The following TLL1 variants were observed in gnomAD, a reference collection of about 807,000 sequenced individuals.
TLL1 encodes tolloid like 1.
A neutral mutation model predicts 128.2 loss-of-function variants in TLL1; 49 were observed. That is an observed-to-expected ratio of 0.38 (90% CI 0.30 to 0.48). TLL1 has a LOEUF of 0.48. TLL1 is among the 20% of genes least tolerant of loss of function. The pLI is 0.96. For missense variants in TLL1, 1,123 were observed against 1,242.0 expected (o/e 0.90, Z 1.44); for synonymous variants, 454 against 418.8 (o/e 1.08, Z -1.03).
At chr4:165,987,391 G>C (rs1736436048) in intron 1 of TLL1, among the ~76,000 whole-genome samples, 6 of 152,078 alleles carry the variant, frequency 3.9e-5, no homozygotes, top group Admixed American at 3.9e-4. Flanking sequence ...TGGCTTTAGG[G>C]ATGCTGGAGC....
At chr4:165,981,317 AT>A (rs1183083457) in intron 1 of TLL1, among the ~76,000 whole-genome samples, 1 of 152,034 alleles carries the variant, frequency 6.6e-6, no homozygotes, top group East Asian at 1.9e-4. Flanking sequence ...AAACCTGTGG[AT>A]TTTTTGTTTG....
At chr4:166,065,607 GAT>G (rs750149943) in intron 15 of TLL1, 74 bp from the exon 16 acceptor site, 4 of 1,513,908 alleles carry the variant, frequency 2.6e-6, no homozygotes, top group Non-Finnish European at 2.7e-6. Flanking sequence ...GGAAAAATAA[GAT>G]ATGTTTTTTT....
chr4:165,991,468 A>C (rs577720597), intron 2 of TLL1, among the ~76,000 whole-genome samples: 2 of 152,128 alleles, frequency 1.3e-5, no homozygotes, highest in South Asian at 4.1e-4. Flanking sequence ...AATGTATTTA[A>C]GTATTACCTC....
intron 9 of TLL1, among the ~76,000 whole-genome samples, chr4:166,025,821 A>G (rs1322620578): frequency 6.6e-6 from 1 of 152,100 alleles, no homozygotes; most frequent in Admixed American, 6.5e-5. Flanking sequence ...ATATCAGAAA[A>G]ATATTGAAGA....
chr4:166,096,771 T>C (rs1410578620), intron 19 of TLL1, among the ~76,000 whole-genome samples: 1 of 152,170 alleles, frequency 6.6e-6, no homozygotes, highest in African/African-American at 2.4e-5. Flanking sequence ...TTTTTAAAAA[T>C]CTGTAAATGA....
chr4:166,059,912 T>G, intron 14 of TLL1, 116 bp from the exon 15 acceptor site: 1 of 1,278,192 alleles, frequency 7.8e-7, no homozygotes, highest in Non-Finnish European at 1.1e-6. Flanking sequence ...GATTTTAAAA[T>G]CCAGAAGATA....
rs375422233 is a variant in TLL1 at position 165,979,643 on chromosome 4, C to T, written c.170-9738C>T. Among the ~76,000 whole-genome samples the T allele has an allele frequency of 2.0e-5, 3 of 151,922 alleles. No homozygotes were observed. In the East Asian group the frequency reaches 5.8e-4, roughly 29 times the overall value. On this transcript the variant is annotated intron_variant, in intron 1 of 20. Coordinates refer to ENST00000061240, the MANE Select transcript of TLL1 (RefSeq NM_012464.5). ...ATAAAGATCTGAAATAAAAAATTTG[C>T]CAGGCATGGTGCTGTGCGCCTGTAC...
In TLL1 at chr4:165,963,054, CAAAA is replaced by C. The variant is rs869191830; in HGVS notation, c.170-26304_170-26301del. 2.7e-3 allele frequency among the ~76,000 whole-genome samples: 49 copies of C among 18,320 alleles called. No individual in the cohort carries two copies. The East Asian group carries it at 0.031, about 12-fold the overall frequency. 12.0% of individuals were successfully genotyped at this position (18,320 alleles called of 152,430 possible). On this transcript the variant is annotated intron_variant, in intron 1 of 20. Coordinates refer to ENST00000061240, the MANE Select transcript of TLL1 (RefSeq NM_012464.5). ...TGGGTGACAGAGCGAGGCTCTGTCT[CAAAA>C]AAAAAAAAAAAAAAAAAAAAAAGTG...
At chr4:165,886,113 A>G (rs1731154550) in intron 1 of TLL1, among the ~76,000 whole-genome samples, 2 of 152,026 alleles carry the variant, frequency 1.3e-5, no homozygotes. Context: ...TGGCTTTTAT[A>G]ATAGTAAGAA....
At chr4:166,086,396 G>A (rs965889877) in intron 18 of TLL1, among the ~76,000 whole-genome samples, 1 of 152,012 alleles carries the variant, frequency 6.6e-6, no homozygotes, top group African/African-American at 2.4e-5. Flanking sequence ...TGAGGGAGTG[G>A]CATCAGTATT....
chr4:165,928,381 G>T (rs1438834165), intron 1 of TLL1, among the ~76,000 whole-genome samples: 1 of 152,180 alleles, frequency 6.6e-6, no homozygotes, highest in Non-Finnish European at 1.5e-5. Context: ...AAGTTCTACA[G>T]TAGAACAGGG....
At chr4:165,878,920 CTTTTTTTTTTTTT>C (rs140447889) in intron 1 of TLL1, among the ~76,000 whole-genome samples, 3 of 60,460 alleles carry the variant, frequency 5.0e-5, no homozygotes, top group Non-Finnish European at 8.4e-5. Context: ...TGATGGCTTC[CTTTTTTTTTTTTT>C]TTTTTTTTTT....
intron 1 of TLL1, among the ~76,000 whole-genome samples, chr4:165,929,378 A>G (rs11100627): frequency 0.15 from 23,134 of 152,004 alleles, 2,060 homozygotes; most frequent in African/African-American, 0.24. Context: ...CTTTACTGAA[A>G]ATACAAAGAA....
chr4:165,917,573 T>A lies in TLL1; in HGVS notation c.169+43500T>A, dbSNP rs146843513. On this transcript the variant is annotated intron_variant, in intron 1 of 20. Transcript: ENST00000061240. ...TTATATTTGTACTTATAACATCTAT[T>A]TATATATTATCTTATTTTTATTTAT... 1.2e-3 allele frequency among the ~76,000 whole-genome samples: 178 copies of A among 152,250 alleles called. 1 individual carries two copies. The East Asian group carries it at 0.032, about 27-fold the overall frequency.
intron 1 of TLL1, among the ~76,000 whole-genome samples, chr4:165,961,392 G>A (rs1280929964): frequency 6.6e-6 from 1 of 152,116 alleles, no homozygotes; most frequent in Non-Finnish European, 1.5e-5. Context: ...TGGCCATACT[G>A]CCCAAAGTAA....
At chr4:165,925,534 C>A (rs1412460737) in intron 1 of TLL1, among the ~76,000 whole-genome samples, 1 of 152,068 alleles carries the variant, frequency 6.6e-6, no homozygotes, top group Non-Finnish European at 1.5e-5. Flanking sequence ...TATGGATGAG[C>A]AAAGAAAGGG....
chr4:165,901,088 A>G (rs1475612318), intron 1 of TLL1, among the ~76,000 whole-genome samples: 2 of 152,028 alleles, frequency 1.3e-5, no homozygotes, highest in East Asian at 3.9e-4. Context: ...TAGCTCCATC[A>G]GGTCATTTAT....
chr4:165,874,115 C>G, intron 1 of TLL1, 42 bp downstream of exon 1: 1 of 1,612,700 alleles, frequency 6.2e-7, no homozygotes, highest in East Asian at 2.2e-5. Context: ...CGCCGGGGGC[C>G]GCTGCGCTGG....
chr4:166,001,737 C>A (rs1737169134), intron 5 of TLL1, among the ~76,000 whole-genome samples: 1 of 150,104 alleles, frequency 6.7e-6, no homozygotes, highest in Non-Finnish European at 1.5e-5. Flanking sequence ...GCAAAGTTTG[C>A]AGTGGGCCGA....
Sources: allele counts gnomAD v4.1 joint callset (sites outside exome capture counted in the v4.1 genomes callset), GRCh38; gene constraint gnomAD v4.1.1; transcripts MANE v1.5; gene names NCBI Gene and HGNC (gene_info 2026-07-23, HGNC 2026-07-21).